The following SLC9C1 variants were observed in gnomAD, a reference collection of about 807,000 sequenced individuals.
The protein encoded by SLC9C1 is sodium/hydrogen exchanger 10.
A neutral mutation model predicts 140.9 loss-of-function variants in SLC9C1; 97 were observed. That is an observed-to-expected ratio of 0.69 (90% CI 0.58 to 0.82). SLC9C1 has a LOEUF of 0.82. Ranked by LOEUF, SLC9C1 falls within the 40% of genes least tolerant of loss-of-function variation. SLC9C1 has a pLI of 0.00. For synonymous variants in SLC9C1, 440 were observed against 442.6 expected (o/e 0.99, Z 0.07); for missense variants, 1,340 against 1,389.3 (o/e 0.96, Z 0.56).
chr3:112,203,879 T>C (rs2077972994), intron 17 of SLC9C1, among the ~76,000 whole-genome samples: 1 of 152,012 alleles, frequency 6.6e-6, no homozygotes. Flanking sequence ...TTTTGTTAAC[T>C]TCCATCTTTT....
chr3:112,253,419 G>C (rs1435504550), intron 10 of SLC9C1, among the ~76,000 whole-genome samples: 1 of 152,112 alleles, frequency 6.6e-6, no homozygotes, highest in Admixed American at 6.5e-5. Flanking sequence ...GAAATGTAGG[G>C]GAGCCATGTG....
intron 15 of SLC9C1, among the ~76,000 whole-genome samples, chr3:112,214,633 A>G (rs1407809957): frequency 6.6e-6 from 1 of 152,030 alleles, no homozygotes; most frequent in East Asian, 1.9e-4. Flanking sequence ...ATTCCTGGAC[A>G]ATACACCCTC....
intron 13 of SLC9C1, among the ~76,000 whole-genome samples, chr3:112,230,202 A>G (rs1369239839): frequency 6.6e-6 from 1 of 151,972 alleles, no homozygotes; most frequent in Non-Finnish European, 1.5e-5. Context: ...TTTTATATTG[A>G]CTGACAATTT....
At chr3:112,256,744 G>T (rs4530500) in intron 10 of SLC9C1, among the ~76,000 whole-genome samples, 89,895 of 151,850 alleles carry the variant, frequency 0.59, 27,125 homozygotes, top group East Asian at 0.79. Flanking sequence ...AAGAAATAAA[G>T]TGCATCCAAA....
At chr3:112,210,425 A>G (rs891472850) in intron 15 of SLC9C1, among the ~76,000 whole-genome samples, 4 of 152,246 alleles carry the variant, frequency 2.6e-5, no homozygotes, top group African/African-American at 9.6e-5. Context: ...AGGCTAAGTC[A>G]AAGAAGCGAG....
chr3:112,239,827 A>G lies in SLC9C1; in HGVS notation c.1446+13T>C, dbSNP rs758326495. The G allele has an allele frequency of 1.9e-6, 3 of 1,596,190 alleles. 1 individual carries two copies. The South Asian group carries it at 3.4e-5, about 18-fold the overall frequency. ...TCTGCATTAAAGCAATAAAAAAGATATTACTTGCTTACCATGTATGGGTTT... is the reference window on the plus strand; with the variant it reads ...TCTGCATTAAAGCAATAAAAAAGATGTTACTTGCTTACCATGTATGGGTTT... On this transcript the variant is annotated intron_variant, in intron 12 of 28. Transcript: ENST00000305815.
chr3:112,252,153 G>A (rs1371520774), intron 10 of SLC9C1, among the ~76,000 whole-genome samples: 1 of 152,130 alleles, frequency 6.6e-6, no homozygotes, highest in East Asian at 1.9e-4. Context: ...CACCATCTTT[G>A]CTGTTACACA....
At chr3:112,203,091 GT>G (rs1391666971) in intron 17 of SLC9C1, among the ~76,000 whole-genome samples, 1 of 151,918 alleles carries the variant, frequency 6.6e-6, no homozygotes, top group Non-Finnish European at 1.5e-5. Flanking sequence ...GCATACTCCT[GT>G]TTTGCACTTA....
intron 15 of SLC9C1, among the ~76,000 whole-genome samples, chr3:112,210,090 G>A (rs1022695473): frequency 6.6e-6 from 1 of 152,184 alleles, no homozygotes; most frequent in African/African-American, 2.4e-5. Context: ...TATACCAAGT[G>A]TGGAAAACAA....
At chr3:112,281,471 C>T (rs1317074368) in intron 2 of SLC9C1, among the ~76,000 whole-genome samples, 6 of 152,058 alleles carry the variant, frequency 3.9e-5, no homozygotes, top group East Asian at 1.9e-4. Flanking sequence ...CCTGGAGGAG[C>T]GGGAGTCAAA....
At chr3:112,153,563 G>A (rs1204394200) in intron 27 of SLC9C1, among the ~76,000 whole-genome samples, 4 of 152,300 alleles carry the variant, frequency 2.6e-5, no homozygotes, top group East Asian at 1.9e-4. Flanking sequence ...GACGTTTGGA[G>A]AAATAGTTTC....
chr3:112,186,523 A>G (rs937037935), intron 20 of SLC9C1, among the ~76,000 whole-genome samples: 1 of 152,230 alleles, frequency 6.6e-6, no homozygotes, highest in African/African-American at 2.4e-5. Context: ...AAAGTTATCA[A>G]TTCTCCCTAG....
rs60247423 is a variant in SLC9C1 at position 112,293,277 on chromosome 3, A to AAT, written c.-88+814_-88+815dup. Among the ~76,000 whole-genome samples, 1,315 of 149,188 alleles carry AAT rather than the reference A, an allele frequency of 8.8e-3. 19 individuals carry two copies. The highest frequency in any genetic ancestry group is 0.03 in the African/African-American group (1,227 of 40,494). On this transcript the variant is annotated intron_variant, in intron 1 of 28. Coordinates refer to ENST00000305815, the MANE Select transcript of SLC9C1 (RefSeq NM_183061.3). ...GGTGACAGAGTGAGACTCTATTTCAAATATATATATATATATATATCTCTC... is the reference window on the plus strand; with the variant it reads ...GGTGACAGAGTGAGACTCTATTTCAAATATATATATATATATATATATCTCTC...
Position 112,262,789 on chromosome 3 carries a change from G to A in SLC9C1, c.1197+135C>T, listed in dbSNP as rs895736293. 35 of 688,272 alleles carry A rather than the reference G, an allele frequency of 5.1e-5. No homozygotes were observed. The Admixed American group carries it at 1.1e-3, about 21-fold the overall frequency. 42.6% of individuals were successfully genotyped at this position (688,272 alleles called of 1,614,324 possible). On this transcript the variant is annotated intron_variant, in intron 10 of 28. Coordinates refer to ENST00000305815, the MANE Select transcript of SLC9C1 (RefSeq NM_183061.3). ...GTTGCCAGTTGTTCCTCCTCTCCCC[G>A]ATCTTGCCATCATAGCTAAATCACT...
chr3:112,197,619 G>C (rs1239005999), intron 20 of SLC9C1, among the ~76,000 whole-genome samples: 1 of 152,112 alleles, frequency 6.6e-6, no homozygotes, highest in Admixed American at 6.5e-5. Flanking sequence ...AACCTTCATA[G>C]AATTCAGATT....
intron 13 of SLC9C1, among the ~76,000 whole-genome samples, chr3:112,228,212 A>G (rs568476627): frequency 3.9e-5 from 6 of 152,296 alleles, no homozygotes; most frequent in African/African-American, 1.2e-4. Context: ...CACACAGACC[A>G]AGAGAACAGA....
chr3:112,248,037 G>A (rs752503755), intron 10 of SLC9C1, among the ~76,000 whole-genome samples: 5 of 152,168 alleles, frequency 3.3e-5, no homozygotes, highest in Admixed American at 1.3e-4. Flanking sequence ...TAAAAAGACC[G>A]TGGCTTCCGT....
chr3:112,164,761 T>C (rs2077083266), intron 26 of SLC9C1, among the ~76,000 whole-genome samples: 1 of 151,806 alleles, frequency 6.6e-6, no homozygotes, highest in African/African-American at 2.4e-5. Context: ...TTGGAGTTGC[T>C]CTTCTTGAGG....
intron 7 of SLC9C1, among the ~76,000 whole-genome samples, chr3:112,266,638 T>C (rs544166524): frequency 6.6e-6 from 1 of 152,332 alleles, no homozygotes; most frequent in East Asian, 1.9e-4. Flanking sequence ...AGATGGGTTC[T>C]GGAGGGTTGA....
Sources: allele counts gnomAD v4.1 joint callset (sites outside exome capture counted in the v4.1 genomes callset), GRCh38; gene constraint gnomAD v4.1.1; transcripts MANE v1.5; gene names NCBI Gene and HGNC (gene_info 2026-07-23, HGNC 2026-07-21).